Variants in CTNNA2 observed in about 807,000 individuals in gnomAD.
CTNNA2 encodes catenin alpha 2.
CTNNA2 carries 42 observed loss-of-function variants against 101.0 expected under a neutral mutation model. The observed-to-expected ratio is 0.42, with a 90% CI of 0.32 to 0.54. CTNNA2 has a LOEUF of 0.54. Ranked by LOEUF, CTNNA2 falls within the 20% of genes least tolerant of loss-of-function variation. CTNNA2 has a pLI of 0.14. For synonymous variants in CTNNA2, 450 were observed against 456.4 expected, an observed-to-expected ratio of 0.99 and a Z score of 0.18; for missense variants, 871 against 1,223.1, an observed-to-expected ratio of 0.71 and a Z score of 4.29.
intron 3 of CTNNA2, among the ~76,000 whole-genome samples, chr2:79,817,890 C>T (rs1677657757): frequency 6.6e-6 from 1 of 152,140 alleles, no homozygotes. Flanking sequence ...TATATTGCAC[C>T]ATCGATGTAA....
chr2:79,658,133 C>T (rs1244286563), intron 2 of CTNNA2, among the ~76,000 whole-genome samples: 5 of 151,762 alleles, frequency 3.3e-5, no homozygotes, highest in African/African-American at 1.2e-4. Context: ...GTATGAAGTG[C>T]ATATTGATGT....
intron 9 of CTNNA2, among the ~76,000 whole-genome samples, chr2:80,521,093 G>A (rs1004397323): frequency 2.6e-5 from 4 of 152,264 alleles, no homozygotes; most frequent in African/African-American, 7.2e-5. Flanking sequence ...GAGCACCCAC[G>A]AAGCCCTGAC....
At chr2:79,243,633 T>A (rs1464087426) in intron 2 of CTNNA2, among the ~76,000 whole-genome samples, 1 of 152,194 alleles carries the variant, frequency 6.6e-6, no homozygotes, top group African/African-American at 2.4e-5. Flanking sequence ...ACTGAATAAC[T>A]AATTCTAACC....
At chr2:80,583,913 G>C (rs1262477692) in intron 14 of CTNNA2, among the ~76,000 whole-genome samples, 3 of 152,098 alleles carry the variant, frequency 2.0e-5, no homozygotes, top group Non-Finnish European at 2.9e-5. Context: ...TAAGAACAGA[G>C]CACTCCTACA....
At chr2:79,355,697 A>G (rs1191672674) in intron 3 of CTNNA2, among the ~76,000 whole-genome samples, 4 of 152,214 alleles carry the variant, frequency 2.6e-5, no homozygotes, top group Non-Finnish European at 5.9e-5. Flanking sequence ...GTCATAGAAT[A>G]CGTATCCTTT....
intron 3 of CTNNA2, among the ~76,000 whole-genome samples, chr2:79,841,643 A>T (rs896670293): frequency 6.6e-6 from 1 of 152,228 alleles, no homozygotes; most frequent in Non-Finnish European, 1.5e-5. Context: ...TCATTCTACT[A>T]TAAGGTGTGC....
intron 7 of CTNNA2, among the ~76,000 whole-genome samples, chr2:80,073,584 T>C (rs994734073): frequency 6.6e-6 from 1 of 152,122 alleles, no homozygotes; most frequent in Non-Finnish European, 1.5e-5. Flanking sequence ...ATATTTAAGA[T>C]AATTAGATGT....
In CTNNA2 at chr2:80,045,260, G is replaced by A. The variant is rs142275395; in HGVS notation, c.1056+135463G>A. ...TAATTGTACCCAAGAGGAGGAGACAGACACCTCATCTATCACTAGGAGGAC... is the reference window on the plus strand; with the variant it reads ...TAATTGTACCCAAGAGGAGGAGACAAACACCTCATCTATCACTAGGAGGAC... On this transcript the variant is annotated intron_variant, in intron 7 of 18. Transcript: ENST00000402739. Among the ~76,000 whole-genome samples the A allele has an allele frequency of 4.1e-3, 631 of 152,320 alleles. 6 individuals are homozygous for A. Among genetic ancestry groups the A allele is most frequent in the African/African-American group, 0.014 (583 of 41,560 alleles).
intron 7 of CTNNA2, among the ~76,000 whole-genome samples, chr2:80,108,756 T>A (rs781774538): frequency 1.4e-4 from 21 of 152,196 alleles, no homozygotes; most frequent in Non-Finnish European, 2.5e-4. Flanking sequence ...GAAAGACACC[T>A]CAAAATGGGA....
At chr2:79,606,370 C>T (rs555957809) in intron 1 of CTNNA2, among the ~76,000 whole-genome samples, 44 of 152,248 alleles carry the variant, frequency 2.9e-4, no homozygotes, top group Middle Eastern at 3.4e-3. Flanking sequence ...CGAGTTCATG[C>T]CATTCTCCTG....
intron 1 of CTNNA2, among the ~76,000 whole-genome samples, chr2:79,193,104 TTA>T (rs1289564295): frequency 2.0e-5 from 3 of 152,190 alleles, no homozygotes; most frequent in Non-Finnish European, 4.4e-5. Flanking sequence ...TATGTAAATA[TTA>T]TATATTCTTC....
chr2:79,484,576 GA>G (rs1252800080), intron 4 of CTNNA2, among the ~76,000 whole-genome samples: 29 of 152,276 alleles, frequency 1.9e-4, no homozygotes, highest in African/African-American at 6.7e-4. Flanking sequence ...GTATTAGCTA[GA>G]AGTAGGTAAC....
At chr2:80,166,271 T>TATG (rs1704687755) in intron 7 of CTNNA2, among the ~76,000 whole-genome samples, 1 of 152,146 alleles carries the variant, frequency 6.6e-6, no homozygotes, top group Non-Finnish European at 1.5e-5. Context: ...GAAAGAGTTT[T>TATG]ATGATTAAAG....
chr2:80,227,633 T>C (rs1708964870), intron 7 of CTNNA2, among the ~76,000 whole-genome samples: 1 of 152,202 alleles, frequency 6.6e-6, no homozygotes, highest in Non-Finnish European at 1.5e-5. Flanking sequence ...CCACAAATGT[T>C]GGCCTAGGTC....
intron 9 of CTNNA2, among the ~76,000 whole-genome samples, chr2:80,515,970 A>T (rs1689076913): frequency 6.6e-6 from 1 of 152,190 alleles, no homozygotes; most frequent in African/African-American, 2.4e-5. Context: ...GTTTTTCCTT[A>T]TCCACCTCTC....
Position 80,644,387 on chromosome 2 carries a change from A to C in CTNNA2, c.2575-3198A>C, listed in dbSNP as rs948097489. Among the ~76,000 whole-genome samples the C allele has an allele frequency of 2.6e-5, 4 of 152,190 alleles. No individual in the cohort carries two copies. In the South Asian group the frequency reaches 8.3e-4, roughly 31 times the overall value. On this transcript the variant is annotated intron_variant, in intron 18 of 18. Coordinates refer to ENST00000402739, the MANE Select transcript of CTNNA2 (RefSeq NM_001282597.3). ...ATCTTGTTGAAAACGCCATCATTAC[A>C]ATAAGTCACAAAAGAGAATGCAACT...
At chr2:80,024,056 C>A (rs1694764997) in intron 7 of CTNNA2, among the ~76,000 whole-genome samples, 1 of 143,170 alleles carries the variant, frequency 7.0e-6, no homozygotes, top group African/African-American at 2.6e-5. Flanking sequence ...CACTGCACTT[C>A]AGCCTGGGCG....
intron 4 of CTNNA2, among the ~76,000 whole-genome samples, chr2:79,485,800 C>T (rs1437137752): frequency 6.6e-6 from 1 of 152,180 alleles, no homozygotes; most frequent in African/African-American, 2.4e-5. Context: ...GATCTCTTTT[C>T]AGGTTTTGAA....
At chr2:80,062,554 C>A (rs974056822) in intron 7 of CTNNA2, among the ~76,000 whole-genome samples, 43 of 152,128 alleles carry the variant, frequency 2.8e-4, no homozygotes, top group African/African-American at 1.0e-3. Flanking sequence ...AGCATTGATA[C>A]CTTAACTCAA....
Sources: gnomAD v4.1 joint callset for allele counts (sites outside exome capture counted in the v4.1 genomes callset) on GRCh38, gnomAD v4.1.1 for gene constraint, MANE v1.5 for transcripts, NCBI Gene and HGNC (gene_info 2026-07-23, HGNC 2026-07-21) for gene names.